Variants in ACER2 observed in about 807,000 individuals in gnomAD.
The protein encoded by ACER2 is alkCDase 2.
ACER2 carries 26 observed loss-of-function variants against 34.7 expected under a neutral mutation model. The observed-to-expected ratio is 0.75, with a 90% CI of 0.55 to 1.04. ACER2 has a LOEUF of 1.04. Among genes scored for constraint, ACER2 ranks in the 50% least tolerant of loss-of-function variants. The pLI is 0.00. For synonymous variants in ACER2, 138 were observed against 132.1 expected, an observed-to-expected ratio of 1.04 and a Z score of -0.31; for missense variants, 352 against 340.8, an observed-to-expected ratio of 1.03 and a Z score of -0.26.
rs1831563196 is a variant in ACER2, at chr9:19,451,367, A to G, written c.*731A>G. 1 of 152,676 alleles carries G rather than the reference A, an allele frequency of 6.5e-6. No individual in the cohort carries two copies. The highest frequency in any genetic ancestry group is 2.4e-5 in the African/African-American group (1 of 41,464). 9.5% of individuals were successfully genotyped at this position (152,676 alleles called of 1,614,324 possible). A position where few individuals can be genotyped will look rare whatever the true frequency, so the allele number is the denominator to read the frequency against. ...AAAACCAAACAGATGAAACACACAC[A>G]GGACTTGTGGCTAAAAAGGCTAGTT... On this transcript the variant is annotated 3_prime_UTR_variant, in exon 6 of 6. Coordinates refer to ENST00000340967, the MANE Select transcript of ACER2 (RefSeq NM_001010887.3).
intron 4 of ACER2, among the ~76,000 whole-genome samples, chr9:19,438,013 G>T (rs1831028128): frequency 6.6e-6 from 1 of 152,164 alleles, no homozygotes; most frequent in Non-Finnish European, 1.5e-5. Flanking sequence ...AAAGTCAAAG[G>T]TCTGTATCTT....
chr9:19,430,668 T>A (rs776737275), intron 3 of ACER2, among the ~76,000 whole-genome samples: 7 of 152,100 alleles, frequency 4.6e-5, no homozygotes, highest in Non-Finnish European at 8.8e-5. Flanking sequence ...AAAGAAAGCA[T>A]GTTTTGCAGC....
chr9:19,416,473 C>A (rs966581971), intron 1 of ACER2, among the ~76,000 whole-genome samples: 1 of 151,924 alleles, frequency 6.6e-6, no homozygotes, highest in Non-Finnish European at 1.5e-5. Context: ...CCTTTCAGGG[C>A]CCTCAGCTAT....
At chr9:19,443,972 A>G (rs1252257258) in intron 4 of ACER2, among the ~76,000 whole-genome samples, 1 of 151,960 alleles carries the variant, frequency 6.6e-6, no homozygotes, top group Non-Finnish European at 1.5e-5. Flanking sequence ...TTAATACCAG[A>G]TGTTACACAG....
chr9:19,441,634 C>G (rs1162811041), intron 4 of ACER2, among the ~76,000 whole-genome samples: 4 of 152,124 alleles, frequency 2.6e-5, no homozygotes, highest in African/African-American at 4.8e-5. Context: ...GGACCCTGAA[C>G]TTCTCCTTTA....
chr9:19,438,454 C>T (rs558786833), intron 4 of ACER2, among the ~76,000 whole-genome samples: 10 of 152,316 alleles, frequency 6.6e-5, no homozygotes, highest in Middle Eastern at 3.4e-3. Context: ...ACTTCTCTGC[C>T]GTGTTTGTGG....
chr9:19,430,864 A>G (rs1344267310), intron 3 of ACER2, among the ~76,000 whole-genome samples: 2 of 152,092 alleles, frequency 1.3e-5, no homozygotes, highest in Non-Finnish European at 2.9e-5. Context: ...AGGCTGAGGC[A>G]GGAGAATCGC....
At chr9:19,449,807 G>T (rs1191981395) in intron 5 of ACER2, among the ~76,000 whole-genome samples, 1 of 149,618 alleles carries the variant, frequency 6.7e-6, no homozygotes, top group Admixed American at 6.7e-5. Flanking sequence ...CAGGAGAATT[G>T]CTTGAACCCA....
chr9:19,425,177 A>G (rs1241420532), intron 3 of ACER2, among the ~76,000 whole-genome samples: 1 of 152,226 alleles, frequency 6.6e-6, no homozygotes, highest in Non-Finnish European at 1.5e-5. Context: ...ATTTTCTGCT[A>G]CAACATTTCC....
intron 4 of ACER2, among the ~76,000 whole-genome samples, chr9:19,444,849 C>G (rs370328915): frequency 6.6e-6 from 1 of 152,220 alleles, no homozygotes; most frequent in Admixed American, 6.5e-5. Flanking sequence ...TCATCGGCCT[C>G]TATTCTTTCT....
intron 4 of ACER2, among the ~76,000 whole-genome samples, chr9:19,441,048 CTTT>C (rs539195950): frequency 6.5e-5 from 9 of 138,854 alleles, no homozygotes; most frequent in African/African-American, 5.3e-5. Context: ...TTTTCTTTTT[CTTT>C]TTTTTTTTTT....
intron 4 of ACER2, among the ~76,000 whole-genome samples, chr9:19,441,711 A>C (rs1335349104): frequency 6.6e-6 from 1 of 152,158 alleles, no homozygotes; most frequent in Non-Finnish European, 1.5e-5. Flanking sequence ...CCCTCTGCTG[A>C]ACATCGACTT....
intron 4 of ACER2, among the ~76,000 whole-genome samples, chr9:19,436,543 A>T (rs185153243): frequency 8.8e-6 from 1 of 113,478 alleles, no homozygotes; most frequent in Non-Finnish European, 1.7e-5. Context: ...TGCCATCTTT[A>T]AAAAAAAATC....
At chr9:19,413,797 C>T (rs1830159632) in intron 1 of ACER2, among the ~76,000 whole-genome samples, 1 of 152,072 alleles carries the variant, frequency 6.6e-6, no homozygotes, top group South Asian at 2.1e-4. Flanking sequence ...AAAATCAGCT[C>T]ATGATCTGTC....
intron 1 of ACER2, among the ~76,000 whole-genome samples, chr9:19,413,213 T>C (rs1830140739): frequency 6.6e-6 from 1 of 152,248 alleles, no homozygotes; most frequent in Non-Finnish European, 1.5e-5. Context: ...GAACATGTAA[T>C]TTCCTTTCAC....
intron 3 of ACER2, among the ~76,000 whole-genome samples, chr9:19,427,557 G>A (rs181775404): frequency 1.0e-3 from 153 of 152,040 alleles, no homozygotes; most frequent in African/African-American, 3.5e-3. Flanking sequence ...AGGGATTTCC[G>A]GTTTTTCTGC....
intron 1 of ACER2, among the ~76,000 whole-genome samples, chr9:19,411,025 G>C (rs1830071614): frequency 6.6e-6 from 1 of 152,150 alleles, no homozygotes. Flanking sequence ...GTCAACCTTG[G>C]TTATTTTGGC....
intron 3 of ACER2, among the ~76,000 whole-genome samples, chr9:19,428,153 C>G (rs761984828): frequency 1.5e-5 from 2 of 132,058 alleles, no homozygotes; most frequent in Non-Finnish European, 3.3e-5. Context: ...CTGGAATATT[C>G]TTTTTTGTTT....
At chr9:19,443,522 A>AG (rs1353739864) in intron 4 of ACER2, among the ~76,000 whole-genome samples, 4 of 152,246 alleles carry the variant, frequency 2.6e-5, no homozygotes, top group African/African-American at 9.6e-5. Flanking sequence ...TTACCAAATT[A>AG]GGGTCCATTT....
Sources: allele counts gnomAD v4.1 joint callset (sites outside exome capture counted in the v4.1 genomes callset), GRCh38; gene constraint gnomAD v4.1.1; transcripts MANE v1.5; gene names NCBI Gene and HGNC (gene_info 2026-07-23, HGNC 2026-07-21).